ZFHX3: variants seen among roughly 807,000 people sequenced by gnomAD.
The protein encoded by ZFHX3 is zinc finger homeobox 3, also known as zinc finger homeobox protein 3.
Under a neutral mutation model 279.1 loss-of-function variants are expected in ZFHX3, and 42 were observed. That is an observed-to-expected ratio of 0.15 (90% CI 0.12 to 0.19). ZFHX3 has a LOEUF of 0.19. Ranked by LOEUF, ZFHX3 falls within the 10% of genes least tolerant of loss-of-function variation. The pLI is 1.00. For synonymous variants in ZFHX3, 2,293 were observed against 1,957.8 expected, an observed-to-expected ratio of 1.17 and a Z score of -4.52; for missense variants, 4,981 against 4,754.0, an observed-to-expected ratio of 1.05 and a Z score of -1.40.
intron 4 of ZFHX3, among the ~76,000 whole-genome samples, chr16:72,855,033 T>C (rs928667001): frequency 5.3e-5 from 8 of 151,992 alleles, no homozygotes; most frequent in African/African-American, 9.6e-5. Flanking sequence ...CAAAATACTC[T>C]ACTGTACGCA....
chr16:72,903,169 C>T (rs999779322), intron 3 of ZFHX3, among the ~76,000 whole-genome samples: 2 of 152,160 alleles, frequency 1.3e-5, no homozygotes, highest in Non-Finnish European at 1.5e-5. Flanking sequence ...AGGGTGCCCA[C>T]TGTGGAGGTC....
intron 3 of ZFHX3, among the ~76,000 whole-genome samples, chr16:73,329,723 G>C (rs185493119): frequency 3.3e-5 from 5 of 152,306 alleles, no homozygotes; most frequent in Admixed American, 2.0e-4. Context: ...AGCGGAGAAG[G>C]GGGGAGTTGG....
intron 2 of ZFHX3, among the ~76,000 whole-genome samples, chr16:73,528,345 A>C (rs2019730855): frequency 6.6e-6 from 1 of 152,206 alleles, no homozygotes; most frequent in Non-Finnish European, 1.5e-5. Flanking sequence ...CTAGCCAACA[A>C]ATTTGCAAAG....
intron 4 of ZFHX3, among the ~76,000 whole-genome samples, chr16:73,313,314 GT>G (rs1241315320): frequency 6.6e-6 from 1 of 152,138 alleles, no homozygotes; most frequent in Non-Finnish European, 1.5e-5. Flanking sequence ...GTCTTGGGTA[GT>G]TCTTTATAGC....
At chr16:73,553,528 G>A (rs1451385888) in intron 2 of ZFHX3, among the ~76,000 whole-genome samples, 1 of 152,126 alleles carries the variant, frequency 6.6e-6, no homozygotes, top group African/African-American at 2.4e-5. Context: ...AATAATCCTT[G>A]GTCCCTGTGG....
At chr16:72,996,909 T>TCC (rs1373731340) in intron 1 of ZFHX3, among the ~76,000 whole-genome samples, 1 of 152,218 alleles carries the variant, frequency 6.6e-6, no homozygotes, top group Non-Finnish European at 1.5e-5. Context: ...GTATTACTAC[T>TCC]GACAACTGGT....
At chr16:73,642,981 A>G (rs1384064735) in intron 2 of ZFHX3, among the ~76,000 whole-genome samples, 1 of 152,214 alleles carries the variant, frequency 6.6e-6, no homozygotes. Context: ...ACCAAAGCCA[A>G]CAATAGAATT....
intron 3 of ZFHX3, chr16:73,421,512 AT>A (rs1246809137): frequency 6.6e-6 from 1 of 152,238 alleles, no homozygotes; most frequent in Non-Finnish European, 1.5e-5. Flanking sequence ...TTTAGGATAC[AT>A]CCGTATTTCA....
intron 1 of ZFHX3, among the ~76,000 whole-genome samples, chr16:73,855,840 G>A (rs1961712853): frequency 6.6e-6 from 1 of 152,126 alleles, no homozygotes; most frequent in African/African-American, 2.4e-5. Flanking sequence ...GTGGATATCT[G>A]GGGCAAGGTT....
chr16:73,052,310 G>A (rs1034658883), upstream of ZFHX3, among the ~76,000 whole-genome samples: 1 of 150,084 alleles, frequency 6.7e-6, no homozygotes, highest in Admixed American at 6.6e-5. Context: ...ATGCTATATC[G>A]AAAGTACAAC....
chr16:73,755,935 G>A (rs2053804588), intron 1 of ZFHX3, among the ~76,000 whole-genome samples: 2 of 152,308 alleles, frequency 1.3e-5, no homozygotes, highest in Admixed American at 6.5e-5. Flanking sequence ...GGGTGACAGT[G>A]GCTGGCTCCT....
intron 5 of ZFHX3, among the ~76,000 whole-genome samples, chr16:73,187,144 T>TCA (rs71156147): frequency 0.036 from 5,308 of 147,048 alleles, 95 homozygotes; most frequent in Middle Eastern, 0.056. Flanking sequence ...GTTGTATGTC[T>TCA]CACACACACA....
At chr16:73,389,759 C>G (rs909525503) in intron 3 of ZFHX3, among the ~76,000 whole-genome samples, 13 of 152,214 alleles carry the variant, frequency 8.5e-5, no homozygotes, top group African/African-American at 2.9e-4. Context: ...AAAAGGGGGA[C>G]GATCCTTTTT....
rs146342563 is a variant in ZFHX3, at chr16:72,911,518, G to A, written c.3217-21556C>T. ...AGTGGCGAAATCAGTTTACCTTCTC[G>A]GTCAGAGAAACAACGTGTCGGGGAA... On this transcript the variant is annotated intron_variant, in intron 3 of 9. Coordinates refer to ENST00000268489, the MANE Select transcript of ZFHX3 (RefSeq NM_006885.4). Among the ~76,000 whole-genome samples, 17 of 152,194 alleles carry A rather than the reference G, an allele frequency of 1.1e-4. No individual in the cohort carries two copies. The East Asian group carries it at 2.7e-3, about 24-fold the overall frequency.
intron 3 of ZFHX3, among the ~76,000 whole-genome samples, chr16:73,423,988 A>C (rs1206685344): frequency 6.6e-6 from 1 of 152,186 alleles, no homozygotes; most frequent in Non-Finnish European, 1.5e-5. Flanking sequence ...GACCTGAAAG[A>C]AGGGCCAGCT....
chr16:72,866,229 G>A (rs1245318421), intron 4 of ZFHX3, among the ~76,000 whole-genome samples: 3 of 152,144 alleles, frequency 2.0e-5, no homozygotes, highest in Admixed American at 2.0e-4. Context: ...CAGAGAGGGA[G>A]GGTCAGAAAG....
chr16:73,406,642 T>C (rs970136482), intron 3 of ZFHX3, among the ~76,000 whole-genome samples: 4 of 152,176 alleles, frequency 2.6e-5, no homozygotes, highest in African/African-American at 7.2e-5. Flanking sequence ...ACCTAACCCA[T>C]ATGCATCTGT....
At chr16:73,564,228 C>T (rs969990065) in intron 2 of ZFHX3, among the ~76,000 whole-genome samples, 1 of 152,172 alleles carries the variant, frequency 6.6e-6, no homozygotes, top group Admixed American at 6.5e-5. Flanking sequence ...TAGACGGCCA[C>T]GTATCATGGT....
intron 2 of ZFHX3, among the ~76,000 whole-genome samples, chr16:73,596,786 A>T (rs372316333): frequency 6.6e-6 from 1 of 152,194 alleles, no homozygotes. Context: ...AAGGAACGTC[A>T]CTATAACTCA....
Sources: gnomAD v4.1 joint callset for allele counts (sites outside exome capture counted in the v4.1 genomes callset) on GRCh38, gnomAD v4.1.1 for gene constraint, MANE v1.5 for transcripts, NCBI Gene and HGNC (gene_info 2026-07-23, HGNC 2026-07-21) for gene names.